CYP39A1: variants seen among roughly 807,000 people sequenced by gnomAD.
CYP39A1 encodes the protein 24-hydroxycholesterol 7-alpha-hydroxylase.
A neutral mutation model predicts 58.1 loss-of-function variants in CYP39A1; 49 were observed. That is an observed-to-expected ratio of 0.84 (90% confidence interval 0.67 to 1.07). The LOEUF is 1.07. CYP39A1 is among the 50% of genes least tolerant of loss of function. The pLI is 0.00. For synonymous variants in CYP39A1, 209 were observed against 187.6 expected (o/e 1.11, Z -0.93); for missense variants, 531 against 539.4 (o/e 0.98, Z 0.16).
At chr6:46,559,620 G>C (rs1436401743) in intron 10 of CYP39A1, among the ~76,000 whole-genome samples, 2 of 152,174 alleles carry the variant, frequency 1.3e-5, no homozygotes, top group African/African-American at 4.8e-5. Flanking sequence ...TCCCTCTGCT[G>C]GAGATGATCT....
chr6:46,550,444 A>G lies in CYP39A1; in HGVS notation c.1339-7T>C. 1 of 1,608,732 alleles carries G rather than the reference A, an allele frequency of 6.2e-7. No homozygotes were observed. Among genetic ancestry groups the G allele is most frequent in the Non-Finnish European group, 8.5e-7 (1 of 1,177,152 alleles). ...CCACCAAATGGAGATAACTCTAAAA[A>G]CAGAAATGCAGAAGAAATAGAAATT... On this transcript the variant is annotated splice_polypyrimidine_tract_variant and splice_region_variant and intron_variant, in intron 11 of 11. Transcript: ENST00000275016.
chr6:46,616,039 C>T (rs1319214940), intron 7 of CYP39A1, among the ~76,000 whole-genome samples: 1 of 116,028 alleles, frequency 8.6e-6, no homozygotes, highest in Non-Finnish European at 1.8e-5. Flanking sequence ...CTCCTTTCCT[C>T]CTCTTTCTTT....
At position 46,630,967 on chromosome 6, in the gene CYP39A1, A is replaced by C. The variant is rs368259122; in HGVS notation, c.836T>G (p.Val279Gly). The C allele has an allele frequency of 2.5e-6, 4 of 1,610,660 alleles. No homozygotes were observed. Among genetic ancestry groups the C allele is most frequent in the Non-Finnish European group, 3.4e-6 (4 of 1,177,460 alleles). The change falls in exon 6 of 12, where the codon GTT becomes GGT. Residue 279 changes from valine (V) to glycine (G), a missense_variant. By Grantham distance (109) the Val-to-Gly change is moderately radical (BLOSUM62 -3). Coordinates refer to ENST00000275016, the MANE Select transcript of CYP39A1 (RefSeq NM_016593.5). ...LLLWASLSNAVPVAFWTLAYV... is the reference protein window; with the variant it reads ...LLLWASLSNAGPVAFWTLAYV... ...ATACTTTACTAATATACTTACAGGA[A>C]CAGCATTAGACAGAGAAGCCCAAAG...
At chr6:46,585,769 G>T (rs139231691) in intron 10 of CYP39A1, among the ~76,000 whole-genome samples, 1 of 152,054 alleles carries the variant, frequency 6.6e-6, no homozygotes, top group East Asian at 1.9e-4. Context: ...TGAATTCAGC[G>T]ACAAAATAAT....
chr6:46,589,062 T>A (rs1772650894), intron 8 of CYP39A1, among the ~76,000 whole-genome samples: 1 of 152,132 alleles, frequency 6.6e-6, no homozygotes, highest in South Asian at 2.1e-4. Flanking sequence ...ATAAGCCACA[T>A]CTATTTAACC....
intron 10 of CYP39A1, among the ~76,000 whole-genome samples, chr6:46,577,216 A>T (rs925382091): frequency 6.6e-6 from 1 of 152,244 alleles, no homozygotes; most frequent in Non-Finnish European, 1.5e-5. Flanking sequence ...AATCCTTTTC[A>T]GACAAGAAAA....
At position 46,588,095 on chromosome 6, in the gene CYP39A1, A is replaced by G; in HGVS notation, c.1100T>C (p.Leu367Ser). 1.2e-6 allele frequency: 2 copies of G among 1,600,948 alleles called. No homozygotes were observed. Among genetic ancestry groups the G allele is most frequent in the Non-Finnish European group, 1.7e-6 (2 of 1,173,472 alleles). ...ATTTCTATGCAGCCAAAATGGAGAC[A>G]ACATCAACAAGTCACCAGAAGGAAT... is the stretch of plus-strand genomic sequence containing the variant. Reference protein sequence around the residue: ...YIIPSGDLLMLSPFWLHRNPK... With the variant: ...YIIPSGDLLMSSPFWLHRNPK... Residue 367 changes from leucine (L) to serine (S), a missense_variant, in exon 9 of 12, where the codon TTG (leucine) becomes TCG (serine). Transcript: ENST00000275016.
At chr6:46,557,634 C>T (rs1770724687) in intron 10 of CYP39A1, among the ~76,000 whole-genome samples, 3 of 130,650 alleles carry the variant, frequency 2.3e-5, no homozygotes, top group Admixed American at 2.3e-4. Context: ...CAGAGCAGAA[C>T]TCTGTCTTTA....
At position 46,652,656 on chromosome 6, in the gene CYP39A1, C is replaced by G; in HGVS notation, c.-74G>C. On this transcript the variant is annotated 5_prime_UTR_variant, in exon 1 of 12. Coordinates refer to ENST00000275016, the MANE Select transcript of CYP39A1 (RefSeq NM_016593.5). Reference sequence around the variant, plus strand: ...CCGTCCCTTGCTTCTTTTCTGTGGGCTACGGAACCTGTCGGGACTCCCAAC... The same window carrying G: ...CCGTCCCTTGCTTCTTTTCTGTGGGGTACGGAACCTGTCGGGACTCCCAAC... 1 of 1,406,884 alleles carries G rather than the reference C, an allele frequency of 7.1e-7. No individual in the cohort carries two copies. 87.2% of individuals were successfully genotyped at this position (1,406,884 alleles called of 1,614,324 possible).
chr6:46,605,495 T>A (rs1269775502), intron 7 of CYP39A1, among the ~76,000 whole-genome samples: 1 of 152,176 alleles, frequency 6.6e-6, no homozygotes, highest in Non-Finnish European at 1.5e-5. Context: ...TAACATTAAC[T>A]TAACACTTTG....
At chr6:46,643,070 T>A (rs1358183032) in intron 1 of CYP39A1, among the ~76,000 whole-genome samples, 1 of 152,328 alleles carries the variant, frequency 6.6e-6, no homozygotes, top group Middle Eastern at 3.4e-3. Flanking sequence ...TCATTAATTT[T>A]CCCCTCTTTA....
rs908382245 is a variant in CYP39A1, at chr6:46,553,625, G to A, written c.1338+142C>T. ...AGGAGACCGAGTATCTTCTCAGTCT[G>A]GTTCAATCTAAGGCACCTGTTAAGA... On this transcript the variant is annotated intron_variant, in intron 11 of 11. Coordinates refer to ENST00000275016, the MANE Select transcript of CYP39A1 (RefSeq NM_016593.5). 4.5e-6 allele frequency: 3 copies of A among 663,106 alleles called. No individual in the cohort carries two copies. In the Admixed American group the frequency reaches 8.4e-5, roughly 19 times the overall value. 41.1% of individuals were successfully genotyped at this position (663,106 alleles called of 1,614,324 possible).
chr6:46,634,246 C>T (rs1775827966), intron 5 of CYP39A1, among the ~76,000 whole-genome samples: 1 of 152,162 alleles, frequency 6.6e-6, no homozygotes, highest in Non-Finnish European at 1.5e-5. Flanking sequence ...GCTCTCTCTC[C>T]TTTTGCCTGC....
At chr6:46,582,489 C>A (rs1772189657) in intron 10 of CYP39A1, among the ~76,000 whole-genome samples, 1 of 152,086 alleles carries the variant, frequency 6.6e-6, no homozygotes, top group Non-Finnish European at 1.5e-5. Context: ...TTCCTATAAG[C>A]ACTTAATTTT....
chr6:46,553,873 A>C lies in CYP39A1; in HGVS notation c.1251-19T>G. 6.8e-7 allele frequency: 1 copy of C among 1,479,890 alleles called. No homozygotes were observed. Among genetic ancestry groups the C allele is most frequent in the Non-Finnish European group, 9.3e-7 (1 of 1,073,254 alleles). 91.7% of individuals were successfully genotyped at this position (1,479,890 alleles called of 1,614,324 possible). A position where few individuals can be genotyped will look rare whatever the true frequency, so the allele number is the denominator to read the frequency against. ...AAACCACCTGGAAGAAACGAATAAAATTGTTACTTGATTGTGAAAGATGTA... is the reference window on the plus strand; with the variant it reads ...AAACCACCTGGAAGAAACGAATAAACTTGTTACTTGATTGTGAAAGATGTA... On this transcript the variant is annotated intron_variant, in intron 10 of 11. Transcript: ENST00000275016.
At chr6:46,608,406 A>G (rs1047716622) in intron 7 of CYP39A1, among the ~76,000 whole-genome samples, 1 of 152,168 alleles carries the variant, frequency 6.6e-6, no homozygotes. Context: ...ATAAAACTTT[A>G]CAATAGTCAG....
At chr6:46,645,003 G>A (rs1363160977) in intron 1 of CYP39A1, among the ~76,000 whole-genome samples, 2 of 152,146 alleles carry the variant, frequency 1.3e-5, no homozygotes, top group East Asian at 3.9e-4. Flanking sequence ...TTATATTGTT[G>A]AGTGTTGACA....
intron 10 of CYP39A1, among the ~76,000 whole-genome samples, chr6:46,580,895 C>T (rs1184380963): frequency 1.3e-5 from 2 of 152,130 alleles, no homozygotes; most frequent in Admixed American, 6.6e-5. Flanking sequence ...TTATACATTG[C>T]TGATGAGAAT....
At chr6:46,644,023 T>C (rs1384743787) in intron 1 of CYP39A1, among the ~76,000 whole-genome samples, 4 of 152,226 alleles carry the variant, frequency 2.6e-5, no homozygotes, top group African/African-American at 9.6e-5. Context: ...AAAACTATAG[T>C]ACAGTATCAC....
Sources: allele counts gnomAD v4.1 joint callset (sites outside exome capture counted in the v4.1 genomes callset), GRCh38; gene constraint gnomAD v4.1.1; transcripts MANE v1.5; gene names NCBI Gene and HGNC (gene_info 2026-07-23, HGNC 2026-07-21).